The following PHLDB3 variants were observed in gnomAD, a reference collection of about 807,000 sequenced individuals.
PHLDB3 encodes pleckstrin homology-like domain family B member 3.
In PHLDB3, 86 loss-of-function variants were observed where a neutral mutation model predicts 85.7. That is an observed-to-expected ratio of 1.00 (90% CI 0.84 to 1.20). PHLDB3 has a LOEUF of 1.20. PHLDB3 is among the 50% of genes most tolerant of loss of function. PHLDB3 has a pLI of 0.00. For missense variants in PHLDB3, 995 were observed against 873.0 expected (o/e 1.14, Z -1.76); for synonymous variants, 376 against 349.8 (o/e 1.07, Z -0.83).
At chr19:43,497,347 G>A in intron 5 of PHLDB3, 68 bp from the exon 6 acceptor site, 1 of 1,245,796 alleles carries the variant, frequency 8.0e-7, no homozygotes. Context: ...GTGGGCTGGG[G>A]CTGGGACTCC....
intron 15 of PHLDB3, among the ~76,000 whole-genome samples, chr19:43,476,560 G>A (rs1047695720): frequency 2.0e-5 from 3 of 152,098 alleles, no homozygotes; most frequent in Non-Finnish European, 4.4e-5. Context: ...CTACTCAGGA[G>A]GCTGAGGCAG....
Position 43,501,833 on chromosome 19 carries a change from A to C in PHLDB3, c.435T>G (p.Ala145=). The C allele has an allele frequency of 6.3e-7, 1 of 1,591,744 alleles. No individual in the cohort carries two copies. The highest frequency in any genetic ancestry group is 1.1e-5 in the South Asian group (1 of 87,288). ...VEVALLRGEL[A]GERVAARREE... ...CCCGGCGAGCGGCCACTCGCTCCCCAGCCAGCTCACCCCGCAGCAAGGCCA... is the reference window on the plus strand; with the variant it reads ...CCCGGCGAGCGGCCACTCGCTCCCCCGCCAGCTCACCCCGCAGCAAGGCCA... The change falls in exon 4 of 16, where the codon GCT becomes GCG. Residue 145 remains alanine, a synonymous_variant. Coordinates refer to ENST00000292140, the MANE Select transcript of PHLDB3 (RefSeq NM_198850.4).
chr19:43,485,631 C>T (rs1159745790), intron 13 of PHLDB3, among the ~76,000 whole-genome samples: 3 of 150,302 alleles, frequency 2.0e-5, no homozygotes, highest in African/African-American at 4.9e-5. Flanking sequence ...AATCTCGGCT[C>T]ACTGCAACCT....
intron 9 of PHLDB3, among the ~76,000 whole-genome samples, chr19:43,487,907 A>T (rs1221037182): frequency 6.6e-6 from 1 of 151,982 alleles, no homozygotes; most frequent in Non-Finnish European, 1.5e-5. Context: ...TAATCCCAGC[A>T]CTTTGGGAGG....
Position 43,475,143 on chromosome 19 carries a change from C to A in PHLDB3, c.*267G>T. ...CGTATTTAATTCGGTATCACAGGAG[C>A]ACCAATAAATAGTTTCTTCCCGCCC... On this transcript the variant is annotated 3_prime_UTR_variant, in exon 16 of 16. Coordinates refer to ENST00000292140, the MANE Select transcript of PHLDB3 (RefSeq NM_198850.4). 1 of 394,618 alleles carries A rather than the reference C, an allele frequency of 2.5e-6. No homozygotes were observed. Among genetic ancestry groups the A allele is most frequent in the Non-Finnish European group, 4.6e-6 (1 of 215,978 alleles). The allele number at this position is 394,618 out of a possible 1,614,324, so 24.4% of individuals were successfully genotyped here.
chr19:43,480,876 A>C (rs1249111662), intron 13 of PHLDB3, among the ~76,000 whole-genome samples: 1 of 152,126 alleles, frequency 6.6e-6, no homozygotes, highest in African/African-American at 2.4e-5. Flanking sequence ...GATTTAAGGC[A>C]ATACAAGTGT....
chr19:43,496,011 A>C, intron 6 of PHLDB3: 1 of 162,392 alleles, frequency 6.2e-6, no homozygotes. Context: ...GACCCAAGAA[A>C]AGCTCTTTTT....
rs1179896384 is a variant in PHLDB3 at position 43,475,556 on chromosome 19, A to C, written c.1789-12T>G. On this transcript the variant is annotated splice_polypyrimidine_tract_variant and intron_variant, in intron 15 of 15. Transcript: ENST00000292140. The stretch of plus-strand genomic sequence containing the variant: ...CGGGGGTTGGGGCTCTGGAATAAGC[A>C]GAAAGTGAGGGTAATTCAGACAAAA... 1.2e-6 allele frequency: 2 copies of C among 1,613,686 alleles called. No homozygotes were observed. The highest frequency in any genetic ancestry group is 1.7e-6 in the Non-Finnish European group (2 of 1,179,822).
chr19:43,487,209 AG>A, intron 9 of PHLDB3, 86 bp from the exon 10 acceptor site: 1 of 1,101,836 alleles, frequency 9.1e-7, no homozygotes, highest in Non-Finnish European at 1.3e-6. Context: ...GCCACCACCC[AG>A]TCAGCACAAA....
At chr19:43,489,156 G>A (rs1448811594) in intron 9 of PHLDB3, among the ~76,000 whole-genome samples, 1 of 151,962 alleles carries the variant, frequency 6.6e-6, no homozygotes, top group African/African-American at 2.4e-5. Flanking sequence ...CTACATCCAG[G>A]TAGAACATAA....
chr19:43,498,017 GCCT>G, intron 4 of PHLDB3, 141 bp from the exon 5 acceptor site: 1 of 1,290,626 alleles, frequency 7.7e-7, no homozygotes, highest in Non-Finnish European at 1.0e-6. Flanking sequence ...GTGCAGGCCT[GCCT>G]CACAGTCAGC....
At chr19:43,500,909 A>ACCTCCCCCCCCC (rs1971573935) in intron 4 of PHLDB3, among the ~76,000 whole-genome samples, 1 of 17,152 alleles carries the variant, frequency 5.8e-5, no homozygotes, top group Admixed American at 6.1e-4. Context: ...CGCCCCCCGT[A>ACCTCCCCCCCCC]CCCCCCCCCC....
chr19:43,486,565 C>G, intron 12 of PHLDB3, 44 bp downstream of exon 12: 1 of 1,584,722 alleles, frequency 6.3e-7, no homozygotes, highest in African/African-American at 1.3e-5. Flanking sequence ...GGAGGAGAGG[C>G]TGGGGCAGTC....
At position 43,504,140 on chromosome 19, in the gene PHLDB3, G is replaced by A. The variant is rs750636419; in HGVS notation, c.-14-8C>T. ...CCATGGCCGCTGGGACTCCTGCGGG[G>A]TGGGCGGGACCAGAAGCTCCGGGGG... On this transcript the variant is annotated splice_polypyrimidine_tract_variant and splice_region_variant and intron_variant, in intron 1 of 15. Coordinates refer to ENST00000292140, the MANE Select transcript of PHLDB3 (RefSeq NM_198850.4). 3.6e-5 allele frequency: 57 copies of A among 1,566,918 alleles called. No homozygotes were observed. The highest frequency in any genetic ancestry group is 4.7e-5 in the Non-Finnish European group (55 of 1,158,100).
At chr19:43,486,127 G>T in intron 13 of PHLDB3, 139 bp downstream of exon 13, 1 of 1,412,600 alleles carries the variant, frequency 7.1e-7, no homozygotes, top group East Asian at 2.6e-5. Flanking sequence ...GTCCTCTGCA[G>T]TTCCCTTTCC....
chr19:43,476,340 C>T (rs1436738362), intron 15 of PHLDB3, among the ~76,000 whole-genome samples: 1 of 152,106 alleles, frequency 6.6e-6, no homozygotes, highest in Non-Finnish European at 1.5e-5. Context: ...CGTACCCATT[C>T]TACACGTGAG....
In PHLDB3 at chr19:43,501,809, C is replaced by T. The variant is rs1322821171; in HGVS notation, c.459G>A (p.Arg153=). ...ELAGERVAAR[R]EEEQLRELLE... Reference sequence around the variant, plus strand: ...GCAGCTCCCGCAGCTGCTCCTCCTCCCGGCGAGCGGCCACTCGCTCCCCAG... The same window carrying T: ...GCAGCTCCCGCAGCTGCTCCTCCTCTCGGCGAGCGGCCACTCGCTCCCCAG... The change falls in exon 4 of 16, where the codon CGG becomes CGA. Residue 153 remains arginine (R), a synonymous_variant. Coordinates refer to ENST00000292140, the MANE Select transcript of PHLDB3 (RefSeq NM_198850.4). The T allele has an allele frequency of 3.1e-6, 5 of 1,588,434 alleles. No homozygotes were observed. Among genetic ancestry groups the T allele is most frequent in the Non-Finnish European group, 4.3e-6 (5 of 1,168,772 alleles).
chr19:43,485,872 T>G lies in PHLDB3; in HGVS notation c.1485+394A>C. On this transcript the variant is annotated intron_variant, in intron 13 of 15. Coordinates refer to ENST00000292140, the MANE Select transcript of PHLDB3 (RefSeq NM_198850.4). ...CCAAAAACAAAATTTTAAATGATTT[T>G]TAAAAGTTCCAGCATGGACTGGGCA... is the stretch of plus-strand genomic sequence containing the variant. 3.6e-6 allele frequency: 3 copies of G among 833,452 alleles called. No homozygotes were observed. The South Asian group carries it at 1.6e-4, about 46-fold the overall frequency. 51.6% of individuals were successfully genotyped at this position (833,452 alleles called of 1,614,324 possible).
At chr19:43,484,428 C>T (rs1414289831) in intron 13 of PHLDB3, among the ~76,000 whole-genome samples, 1 of 151,116 alleles carries the variant, frequency 6.6e-6, no homozygotes, top group Non-Finnish European at 1.5e-5. Flanking sequence ...AACTTATTGG[C>T]CAGGCACAGT....
Sources: gnomAD v4.1 joint callset for allele counts (sites outside exome capture counted in the v4.1 genomes callset) on GRCh38, gnomAD v4.1.1 for gene constraint, MANE v1.5 for transcripts, NCBI Gene and HGNC (gene_info 2026-07-23, HGNC 2026-07-21) for gene names.